Variants in SYNE1 observed in about 807,000 individuals in gnomAD.
The protein encoded by SYNE1 is spectrin repeat containing nuclear envelope protein 1, also known as nesprin-1.
In SYNE1, 616 loss-of-function variants were observed where a neutral mutation model predicts 1,111.0. The ratio of observed to expected loss-of-function variants is 0.55; its 90% CI spans 0.52 to 0.59. The LOEUF (loss-of-function observed/expected upper bound fraction) is 0.59, where lower values mean the gene tolerates loss of function less well. Among genes scored for constraint, SYNE1 ranks in the 20% least tolerant of loss-of-function variants. SYNE1 has a pLI of 0.00. For synonymous variants in SYNE1, 3,855 were observed against 3,825.8 expected (o/e 1.01, Z -0.28); for missense variants, 10,006 against 10,417.0 (o/e 0.96, Z 1.72).
chr6:152,578,714 C>T (rs1224882311), intron 3 of SYNE1, among the ~76,000 whole-genome samples: 1 of 152,216 alleles, frequency 6.6e-6, no homozygotes, highest in Non-Finnish European at 1.5e-5. Flanking sequence ...CCTATGAAGT[C>T]TATAACCCTG....
chr6:152,488,933 T>C (rs1313159808), intron 11 of SYNE1, among the ~76,000 whole-genome samples: 1 of 152,182 alleles, frequency 6.6e-6, no homozygotes, highest in South Asian at 2.1e-4. Context: ...CAGAATACCA[T>C]TGGGTGACTT....
chr6:152,416,279 T>A (rs1298322872), intron 41 of SYNE1, 108 bp downstream of exon 41: 3 of 1,504,504 alleles, frequency 2.0e-6, no homozygotes, highest in Non-Finnish European at 1.8e-6. Context: ...ATTGGGGTCC[T>A]GAGTTTTTAT....
chr6:152,285,101 C>T (rs1013976655), intron 95 of SYNE1, among the ~76,000 whole-genome samples: 4 of 152,130 alleles, frequency 2.6e-5, no homozygotes, highest in African/African-American at 7.2e-5. Flanking sequence ...ACCTAGTTCA[C>T]GGGTGTCTGC....
Position 152,153,648 on chromosome 6 carries a change from GCATTCATTCA to G in SYNE1, c.24129+1234_24129+1243del, listed in dbSNP as rs1182926221. The stretch of plus-strand genomic sequence containing the variant: ...GATGCAGTTGAGCAGCTCTCCACTA[GCATTCATTCA>G]CATCGAGATGACCTGGAATCTACTG... On this transcript the variant is annotated intron_variant, in intron 133 of 145. Transcript: ENST00000367255. Among the ~76,000 whole-genome samples, 3 of 152,252 alleles carry G rather than the reference GCATTCATTCA, an allele frequency of 2.0e-5. No homozygotes were observed. In the East Asian group the frequency reaches 5.8e-4, roughly 29 times the overall value.
chr6:152,239,839 A>G, intron 107 of SYNE1, 133 bp from the exon 108 acceptor site: 2 of 927,878 alleles, frequency 2.2e-6, no homozygotes, highest in Non-Finnish European at 3.4e-6. Flanking sequence ...TGGGTGGATT[A>G]CCTGAGGTCA....
At chr6:152,425,353 A>G (rs761444645) in intron 39 of SYNE1, 28 bp downstream of exon 39, 1 of 1,608,466 alleles carries the variant, frequency 6.2e-7, no homozygotes, top group Admixed American at 1.7e-5. Flanking sequence ...AATGAACAAT[A>G]TTAGAAGATT....
intron 21 of SYNE1, 114 bp from the exon 22 acceptor site, chr6:152,459,044 A>G (rs2098714975): frequency 1.1e-6 from 1 of 915,926 alleles, no homozygotes; most frequent in East Asian, 2.6e-5. Context: ...TTTGGTGCTT[A>G]CAAATATCCA....
At chr6:152,552,855 T>C (rs996307131) in intron 3 of SYNE1, among the ~76,000 whole-genome samples, 4 of 152,176 alleles carry the variant, frequency 2.6e-5, no homozygotes, top group Non-Finnish European at 5.9e-5. Flanking sequence ...GAAGATCTAC[T>C]GGACTCCAGA....
At chr6:152,448,441 T>A (rs1031437963) in intron 28 of SYNE1, among the ~76,000 whole-genome samples, 4 of 152,106 alleles carry the variant, frequency 2.6e-5, no homozygotes, top group Admixed American at 1.3e-4. Flanking sequence ...GGATGTGAAT[T>A]TTTTTTTGTG....
Position 152,122,340 on chromosome 6 carries a change from C to G in SYNE1, c.*96G>C. The G allele has an allele frequency of 6.2e-7, 1 of 1,603,652 alleles. No homozygotes were observed. The highest frequency in any genetic ancestry group is 1.1e-5 in the South Asian group (1 of 90,328). On this transcript the variant is annotated 3_prime_UTR_variant, in exon 146 of 146. Transcript: ENST00000367255. ...CTAAAGCTGCCACACCGAGGGCTTT[C>G]GCCAAGATCAAGGTCCTCTTGTTGG...
chr6:152,321,686 T>A, intron 83 of SYNE1, 35 bp downstream of exon 83: 3 of 1,613,384 alleles, frequency 1.9e-6, no homozygotes, highest in Non-Finnish European at 2.5e-6. Flanking sequence ...GTTTTTGAAA[T>A]GATGGGTAAA....
chr6:152,288,471 T>C (rs1030271478), intron 95 of SYNE1, among the ~76,000 whole-genome samples: 1 of 152,224 alleles, frequency 6.6e-6, no homozygotes, highest in South Asian at 2.1e-4. Context: ...AAACTCACAA[T>C]GTTCTTAAAT....
chr6:152,231,177 G>C (rs1233244368), intron 114 of SYNE1, among the ~76,000 whole-genome samples: 1 of 152,178 alleles, frequency 6.6e-6, no homozygotes, highest in African/African-American at 2.4e-5. Flanking sequence ...TTAGAAAACT[G>C]AAACACCATA....
intron 53 of SYNE1, among the ~76,000 whole-genome samples, chr6:152,389,085 A>G (rs1307459208): frequency 6.8e-6 from 1 of 147,864 alleles, no homozygotes; most frequent in Non-Finnish European, 1.5e-5. Flanking sequence ...AATAACAACA[A>G]CAAAAAAACC....
chr6:152,492,998 T>G (rs2098979496), intron 11 of SYNE1, among the ~76,000 whole-genome samples: 1 of 152,156 alleles, frequency 6.6e-6, no homozygotes, highest in Non-Finnish European at 1.5e-5. Flanking sequence ...AATTATCTGC[T>G]TCTCTGACTA....
At chr6:152,615,489 GA>G (rs1390817534) in intron 3 of SYNE1, among the ~76,000 whole-genome samples, 3 of 151,774 alleles carry the variant, frequency 2.0e-5, no homozygotes, top group Non-Finnish European at 4.4e-5. Flanking sequence ...AAATATATCA[GA>G]AATAACATTC....
intron 95 of SYNE1, among the ~76,000 whole-genome samples, chr6:152,289,752 A>G (rs1027007282): frequency 3.3e-5 from 5 of 151,576 alleles, no homozygotes; most frequent in South Asian, 2.1e-4. Context: ...TCAGCCTCCC[A>G]AGTAGCTGGG....
intron 77 of SYNE1, among the ~76,000 whole-genome samples, chr6:152,333,658 G>T (rs1000755459): frequency 6.6e-6 from 1 of 151,810 alleles, no homozygotes; most frequent in African/African-American, 2.4e-5. Context: ...TTTGAGACAG[G>T]GTCTTGCTCT....
In SYNE1 at chr6:152,416,977, C is replaced by T; in HGVS notation, c.5460G>A (p.Leu1820=). The T allele has an allele frequency of 6.2e-7, 1 of 1,614,204 alleles. No homozygotes were observed. The highest frequency in any genetic ancestry group is 8.5e-7 in the Non-Finnish European group (1 of 1,180,050). Residue 1820 remains leucine, a synonymous_variant, in exon 41 of 146, where the codon TTG becomes TTA. Coordinates refer to ENST00000367255, the MANE Select transcript of SYNE1 (RefSeq NM_182961.4). ...TTGCTAAGTGACCCTGCAGACTCTG[C>T]AATTCGCCCTTTTTGCTCTCTACTT... ...AAEVESKKGE[L]QSLQGHLAKL...
Sources: gnomAD v4.1 joint callset for allele counts (sites outside exome capture counted in the v4.1 genomes callset) on GRCh38, gnomAD v4.1.1 for gene constraint, MANE v1.5 for transcripts, NCBI Gene and HGNC (gene_info 2026-07-23, HGNC 2026-07-21) for gene names.